The following ERMARD variants were observed in gnomAD, a reference collection of about 807,000 sequenced individuals.
ERMARD encodes the protein ER membrane associated RNA degradation.
Under a neutral mutation model 83.9 loss-of-function variants are expected in ERMARD, and 71 were observed. The ratio of observed to expected loss-of-function variants is 0.85; its 90% confidence interval spans 0.70 to 1.03. The LOEUF (loss-of-function observed/expected upper bound fraction) is 1.03. Ranked by LOEUF, ERMARD falls within the 50% of genes least tolerant of loss-of-function variation. The pLI, the probability that ERMARD is intolerant of heterozygous loss-of-function variation, is 0.00. For missense variants in ERMARD, 838 were observed against 810.9 expected, an observed-to-expected ratio of 1.03 and a Z score of -0.41; for synonymous variants, 284 against 298.6, an observed-to-expected ratio of 0.95 and a Z score of 0.50.
At chr6:169,768,005 C>A in intron 10 of ERMARD, 98 bp from the exon 11 acceptor site, 1 of 945,886 alleles carries the variant, frequency 1.1e-6, no homozygotes, top group South Asian at 1.5e-5. Context: ...CCTTAGATAA[C>A]AAGTTAGGCT....
intron 17 of ERMARD, 140 bp from the exon 18 acceptor site, chr6:169,781,190 G>T: frequency 1.3e-6 from 1 of 746,880 alleles, no homozygotes; most frequent in Non-Finnish European, 2.0e-6. Context: ...TTATTTATAC[G>T]GATTTATTTT....
In ERMARD at chr6:169,768,212, A is replaced by G. The variant is rs758763478; in HGVS notation, c.1059+41A>G. 44 of 1,554,442 alleles carry G rather than the reference A, an allele frequency of 2.8e-5. No individual in the cohort carries two copies. In the Admixed American group the frequency reaches 7.5e-4, roughly 26 times the overall value. On this transcript the variant is annotated intron_variant, in intron 11 of 17. Coordinates refer to ENST00000366773, the MANE Select transcript of ERMARD (RefSeq NM_018341.3). ...TTTCCAGGCTAATATTCTTGTATTT[A>G]TGGATGTCGTCAGCACTTCTCTAAA...
chr6:169,754,962 C>T (rs573434735), intron 2 of ERMARD, among the ~76,000 whole-genome samples: 40 of 151,976 alleles, frequency 2.6e-4, no homozygotes, highest in South Asian at 2.5e-3. Flanking sequence ...AATCAGGTTA[C>T]GAAATTACAT....
At chr6:169,752,359 C>T (rs1790234255) in intron 1 of ERMARD, among the ~76,000 whole-genome samples, 1 of 152,216 alleles carries the variant, frequency 6.6e-6, no homozygotes, top group South Asian at 2.1e-4. Flanking sequence ...GATAAAGTAA[C>T]TTTTCCAAGG....
intron 2 of ERMARD, among the ~76,000 whole-genome samples, chr6:169,754,470 T>C (rs1790541559): frequency 6.6e-6 from 1 of 152,200 alleles, no homozygotes; most frequent in South Asian, 2.1e-4. Flanking sequence ...AAATTACAGA[T>C]GAACATACTC....
At chr6:169,773,726 A>G (rs1038554447) in intron 13 of ERMARD, among the ~76,000 whole-genome samples, 4 of 152,166 alleles carry the variant, frequency 2.6e-5, no homozygotes, top group African/African-American at 7.2e-5. Flanking sequence ...CAGAGCTAGG[A>G]GCAGTTTTTA....
chr6:169,776,705 A>G, intron 16 of ERMARD, 32 bp downstream of exon 16: 1 of 1,609,032 alleles, frequency 6.2e-7, no homozygotes, highest in Non-Finnish European at 8.5e-7. Flanking sequence ...TTGGAGGGGC[A>G]CTGTGGGGCA....
At chr6:169,767,104 A>T (rs111875044) in intron 10 of ERMARD, 7 of 155,644 alleles carry the variant, frequency 4.5e-5, no homozygotes, top group African/African-American at 1.7e-4. Flanking sequence ...GCGCACAGGC[A>T]TTTGTGTGCG....
rs76323471 is a variant in ERMARD, at chr6:169,773,168, C to T, written c.1234-151C>T. 862 of 594,486 alleles carry T rather than the reference C, an allele frequency of 1.4e-3. 10 individuals carry two copies. In the East Asian group the frequency reaches 0.018, roughly 13 times the overall value. The allele number at this position is 594,486 out of a possible 1,614,324, so 36.8% of individuals were successfully genotyped here. ...CTGTCATTTGCCTGCCATGTCAAGC[C>T]TATTTTAATGAAGCACTTGCTTTTC... On this transcript the variant is annotated intron_variant, in intron 12 of 17. Transcript: ENST00000366773.
intron 12 of ERMARD, chr6:169,771,712 C>T (rs1396892217): frequency 6.6e-6 from 1 of 152,212 alleles, no homozygotes; most frequent in African/African-American, 2.4e-5. Flanking sequence ...CTCTTCGCTT[C>T]ATACTCAGTC....
chr6:169,755,969 A>G (rs543090349), intron 3 of ERMARD, among the ~76,000 whole-genome samples: 2 of 152,158 alleles, frequency 1.3e-5, no homozygotes, highest in Non-Finnish European at 2.9e-5. Context: ...AGGAATCATC[A>G]TGTCCCCCTT....
At position 169,756,746 on chromosome 6, in the gene ERMARD, C is replaced by T. The variant is rs766122955; in HGVS notation, c.445C>T (p.Pro149Ser). The change falls in exon 5 of 18, where the codon CCC becomes TCC. Residue 149 changes from proline (P) to serine (S), a missense_variant. Transcript: ENST00000366773. ...DVFLLIGKEC[P>S]FLLRDLLSSE... The stretch of plus-strand genomic sequence containing the variant: ...ATTTTTACTGATTGGGAAGGAATGC[C>T]CCTTTCTTTTAAGAGATCTGCTTTC... The T allele has an allele frequency of 1.2e-6, 2 of 1,613,970 alleles. No individual in the cohort carries two copies. Among genetic ancestry groups the T allele is most frequent in the South Asian group, 1.1e-5 (1 of 91,056 alleles).
At chr6:169,760,112 T>G (rs1289013952) in intron 7 of ERMARD, 138 bp downstream of exon 7, 7 of 1,463,026 alleles carry the variant, frequency 4.8e-6, no homozygotes, top group Non-Finnish European at 6.3e-6. Flanking sequence ...CAGAGTTGCT[T>G]GAAGAACCTC....
At position 169,751,680 on chromosome 6, in the gene ERMARD, G is replaced by C. The variant is rs1032879017; in HGVS notation, c.6+17G>C. The stretch of plus-strand genomic sequence containing the variant: ...GTTATGGAGGTAGGGCGGGTGTAGG[G>C]CCCGGTTCGATCCCGAGCTAGGCAG... On this transcript the variant is annotated intron_variant, in intron 1 of 17. Coordinates refer to ENST00000366773, the MANE Select transcript of ERMARD (RefSeq NM_018341.3). The C allele has an allele frequency of 2.6e-6, 4 of 1,550,606 alleles. No individual in the cohort carries two copies. Among genetic ancestry groups the C allele is most frequent in the East Asian group, 2.4e-5 (1 of 41,172 alleles).
At chr6:169,776,808 A>T in intron 16 of ERMARD, 135 bp downstream of exon 16, 1 of 1,040,450 alleles carries the variant, frequency 9.6e-7, no homozygotes, top group Admixed American at 2.1e-5. Context: ...ATATACTTGG[A>T]GTCCACAACT....
intron 17 of ERMARD, among the ~76,000 whole-genome samples, 184 bp downstream of exon 17, chr6:169,779,479 G>T (rs1160603619): frequency 6.7e-6 from 1 of 149,762 alleles, no homozygotes; most frequent in Non-Finnish European, 1.5e-5. Flanking sequence ...TCAAAACCAT[G>T]TTTTTTTTGT....
In ERMARD at chr6:169,773,331, G is replaced by C. The variant is rs143351214; in HGVS notation, c.1246G>C (p.Val416Leu). Residue 416 changes from valine (V) to leucine (L), a missense_variant, in exon 13 of 18, where the codon GTA becomes CTA. Transcript: ENST00000366773. ...TTCTCTGCACTAGGAAAAATCAGCC[G>C]TAGAATTGTTGATTAGTCTTGCAGA... is the stretch of plus-strand genomic sequence containing the variant. ...LLSVFKEKSA[V>L]ELLISLAEGY... 1 of 1,614,026 alleles carries C rather than the reference G, an allele frequency of 6.2e-7. No homozygotes were observed. The highest frequency in any genetic ancestry group is 8.5e-7 in the Non-Finnish European group (1 of 1,179,950).
At chr6:169,781,073 GGAGAAGAA>G (rs1794149851) in intron 17 of ERMARD, among the ~76,000 whole-genome samples, 1 of 152,190 alleles carries the variant, frequency 6.6e-6, no homozygotes. Flanking sequence ...TGTCTGGGCT[GGAGAAGAA>G]TGCTTGAAAA....
intron 13 of ERMARD, 45 bp from the exon 14 acceptor site, chr6:169,775,225 A>C: frequency 1.3e-6 from 2 of 1,584,268 alleles, no homozygotes; most frequent in Non-Finnish European, 1.7e-6. Context: ...ATTTTCTAGG[A>C]AGTTACTGTG....
Sources: gnomAD v4.1 joint callset for allele counts (sites outside exome capture counted in the v4.1 genomes callset) on GRCh38, gnomAD v4.1.1 for gene constraint, MANE v1.5 for transcripts, NCBI Gene and HGNC (gene_info 2026-07-23, HGNC 2026-07-21) for gene names.